Variants in GOLGA8M observed in about 807,000 individuals in gnomAD.
GOLGA8M encodes the protein golgin A8 family member M.
A neutral mutation model predicts 87.7 loss-of-function variants in GOLGA8M; 34 were observed. That is an observed-to-expected ratio of 0.39 (90% CI 0.29 to 0.52). The LOEUF (loss-of-function observed/expected upper bound fraction) is 0.52, where lower values mean the gene tolerates loss of function less well. Among genes scored for constraint, GOLGA8M ranks in the 20% least tolerant of loss-of-function variants. The probability of loss-of-function intolerance (pLI) is 0.80; values close to 1 mark genes in which losing one functional copy is unlikely to be tolerated. For missense variants in GOLGA8M, 396 were observed against 682.2 expected (o/e 0.58, Z 4.67); for synonymous variants, 138 against 250.2 (o/e 0.55, Z 4.23).
At chr15:28,703,558 A>C in intron 14 of GOLGA8M, 148 bp from the exon 15 acceptor site, 4 of 560,478 alleles carry the variant, frequency 7.1e-6, no homozygotes, top group Non-Finnish European at 9.1e-6. Context: ...ACTTTTAAGA[A>C]TCAAGATCTT....
At chr15:28,712,169 G>T in intron 1 of GOLGA8M, 107 bp downstream of exon 1, 6 of 1,537,548 alleles carry the variant, frequency 3.9e-6, no homozygotes, top group Non-Finnish European at 5.2e-6. Context: ...CGGGGTTGGG[G>T]GGACCAGTCC....
Position 28,702,351 on chromosome 15 carries a change from G to A in GOLGA8M, c.1586C>T (p.Ala529Val). 1 of 1,527,476 alleles carries A rather than the reference G, an allele frequency of 6.5e-7. No homozygotes were observed. The highest frequency in any genetic ancestry group is 1.2e-5 in the South Asian group (1 of 83,710). The allele number at this position is 1,527,476 out of a possible 1,614,324, so 94.6% of individuals were successfully genotyped here. A position where few individuals can be genotyped will look rare whatever the true frequency, so the allele number is the denominator to read the frequency against. Residue 529 changes from alanine to valine, a missense_variant, in exon 18 of 19, where the codon GCA becomes GTA. Physicochemically the swap from Ala to Val is moderately conservative, Grantham distance 64 (BLOSUM62 0). Transcript: ENST00000563027. Reference sequence around the variant, plus strand: ...GCTGTAAGCCGCAATACCATCTGCTGCAGCTCCAGCAGCTTCACCTGGAGG... The same window carrying A: ...GCTGTAAGCCGCAATACCATCTGCTACAGCTCCAGCAGCTTCACCTGGAGG... ...GGDEGEAAGA[A>V]ADGIAAYSNY...
chr15:28,712,531 G>A (rs981928310), upstream of GOLGA8M, among the ~76,000 whole-genome samples: 11 of 151,212 alleles, frequency 7.3e-5, no homozygotes, highest in Admixed American at 2.6e-4. Context: ...AGGGGGCGTG[G>A]CCAGACAGCA....
At position 28,708,389 on chromosome 15, in the gene GOLGA8M, G is replaced by C; in HGVS notation, c.334C>G (p.His112Asp). ...AATCACGTTACTTCTTCCAGCTGAT[G>C]TTCCACTTGTTTCTTCTGTTGTTTC... is the stretch of plus-strand genomic sequence containing the variant. ...SLKQQKKQVE[H>D]QLEEEKKANN... The change falls in exon 5 of 19, where the codon CAT (histidine) becomes GAT (aspartate). Residue 112 changes from histidine to aspartate, a missense_variant. Physicochemically the swap from His to Asp is moderately conservative, Grantham distance 81. This residue lies in a region of GOLGA8M where 80 missense variants were observed against 119.9 expected (regional missense o/e 0.67). Coordinates refer to ENST00000563027, the MANE Select transcript of GOLGA8M (RefSeq NM_001282468.3). 6.3e-7 allele frequency: 1 copy of C among 1,595,816 alleles called. No individual in the cohort carries two copies. Among genetic ancestry groups the C allele is most frequent in the Non-Finnish European group, 8.5e-7 (1 of 1,176,694 alleles).
chr15:28,699,361 T>A lies in GOLGA8M; in HGVS notation c.*2593A>T, dbSNP rs1327349875. On this transcript the variant is annotated 3_prime_UTR_variant, in exon 19 of 19. Coordinates refer to ENST00000563027, the MANE Select transcript of GOLGA8M (RefSeq NM_001282468.3). ...TTCCAATGTTGCCTTCTAAGCAAAC[T>A]GAAAGCTGCCTTATACAGAATGAGG... 2.0e-5 allele frequency among the ~76,000 whole-genome samples: 3 copies of A among 149,358 alleles called. No individual in the cohort carries two copies. The highest frequency in any genetic ancestry group is 4.4e-5 in the Non-Finnish European group (3 of 67,978).
chr15:28,706,613 C>T lies in GOLGA8M; in HGVS notation c.678G>A (p.Gln226=). 2 of 1,347,626 alleles carry T rather than the reference C, an allele frequency of 1.5e-6. No individual in the cohort carries two copies. The highest frequency in any genetic ancestry group is 2.0e-5 in the Admixed American group (1 of 50,580). The allele number at this position is 1,347,626 out of a possible 1,614,324, so 83.5% of individuals were successfully genotyped here. A position where few individuals can be genotyped will look rare whatever the true frequency, so the allele number is the denominator to read the frequency against. Residue 226 remains glutamine, a splice_region_variant and synonymous_variant, in exon 9 of 19, where the codon CAG becomes CAA. Transcript: ENST00000563027. ...EEALLKVQLT[Q]LKESFQQVQL... ...ACATAACTCCCTCAGAAAACCTCACCTGTGTCAGCTGCACTTTCAGTAGTG... is the reference window on the plus strand; with the variant it reads ...ACATAACTCCCTCAGAAAACCTCACTTGTGTCAGCTGCACTTTCAGTAGTG...
At position 28,701,847 on chromosome 15, in the gene GOLGA8M, G is replaced by A; in HGVS notation, c.*107C>T. 8.3e-7 allele frequency: 1 copy of A among 1,205,190 alleles called. No homozygotes were observed. Among genetic ancestry groups the A allele is most frequent in the Non-Finnish European group, 1.1e-6 (1 of 875,536 alleles). The allele number at this position is 1,205,190 out of a possible 1,614,324, so 74.7% of individuals were successfully genotyped here. A position where few individuals can be genotyped will look rare whatever the true frequency, so the allele number is the denominator to read the frequency against. On this transcript the variant is annotated 3_prime_UTR_variant, in exon 19 of 19. Transcript: ENST00000563027. ...AAATTAGAAACACAAATAATCATGAGTGACTCTAACATTCAAAGGAAGTAA... is the reference window on the plus strand; with the variant it reads ...AAATTAGAAACACAAATAATCATGAATGACTCTAACATTCAAAGGAAGTAA...
rs202197009 is a variant in GOLGA8M at position 28,702,340 on chromosome 15, T to C, written c.1597A>G (p.Ile533Val). Reference sequence around the variant, plus strand: ...TTGTTGTAGTTGCTGTAAGCCGCAATACCATCTGCTGCAGCTCCAGCAGCT... The same window carrying C: ...TTGTTGTAGTTGCTGTAAGCCGCAACACCATCTGCTGCAGCTCCAGCAGCT... ...GEAAGAAADGIAAYSNYNNGH... is the reference protein window; with the variant it reads ...GEAAGAAADGVAAYSNYNNGH... The change falls in exon 18 of 19, where the codon ATT (isoleucine) becomes GTT (valine). Residue 533 changes from isoleucine (I) to valine (V), a missense_variant. By Grantham distance (29) the Ile-to-Val change is conservative (BLOSUM62 3). This residue lies in a region of GOLGA8M where 173 missense variants were observed against 150.2 expected (regional missense o/e 1.15). Transcript: ENST00000563027. 1.2e-3 allele frequency: 1,871 copies of C among 1,527,812 alleles called. 2 individuals are homozygous for C. Among genetic ancestry groups the C allele is most frequent in the Middle Eastern group, 1.6e-3 (7 of 4,362 alleles). 94.6% of individuals were successfully genotyped at this position (1,527,812 alleles called of 1,614,324 possible).
At chr15:28,713,175 T>A (rs1309233384), upstream of GOLGA8M, among the ~76,000 whole-genome samples, 1 of 150,678 alleles carries the variant, frequency 6.6e-6, no homozygotes, top group African/African-American at 2.4e-5. Flanking sequence ...CCATCTCTAC[T>A]AAAAATACAA....
At chr15:28,711,758 A>G (rs1196720637) in intron 1 of GOLGA8M, 8 of 984,780 alleles carry the variant, frequency 8.1e-6, no homozygotes, top group Middle Eastern at 5.2e-4. Flanking sequence ...GGACCATGTC[A>G]GCACCATGTC....
intron 13 of GOLGA8M, among the ~76,000 whole-genome samples, chr15:28,704,780 T>G (rs1596677275): frequency 3.5e-5 from 5 of 142,400 alleles, no homozygotes; most frequent in East Asian, 5.3e-4. Flanking sequence ...AGAGATGAGG[T>G]TTTACCACAT....
chr15:28,702,908 C>A, intron 15 of GOLGA8M, 163 bp from the exon 16 acceptor site: 1 of 970,044 alleles, frequency 1.0e-6, no homozygotes, highest in South Asian at 4.8e-5. Flanking sequence ...CCCCCAGGCC[C>A]TGGGGCTGCA....
At position 28,702,224 on chromosome 15, in the gene GOLGA8M, G is replaced by A. The variant is rs771799634; in HGVS notation, c.1713C>T (p.Asp571=). ...APAPQELGAA[D]KHGDLCEVSL... Reference sequence around the variant, plus strand: ...GAGGGCTGTACTCACCACCATGCTTGTCTGCAGCCCCAAGCTCCTGGGGAG... The same window carrying A: ...GAGGGCTGTACTCACCACCATGCTTATCTGCAGCCCCAAGCTCCTGGGGAG... The change falls in exon 18 of 19, where the codon GAC becomes GAT. Residue 571 remains aspartate (D), a synonymous_variant. Coordinates refer to ENST00000563027, the MANE Select transcript of GOLGA8M (RefSeq NM_001282468.3). 322 of 1,590,022 alleles carry A rather than the reference G, an allele frequency of 2.0e-4. 2 individuals are homozygous for A. The highest frequency in any genetic ancestry group is 1.1e-3 in the Admixed American group (62 of 57,702).
intron 13 of GOLGA8M, among the ~76,000 whole-genome samples, chr15:28,704,230 G>T (rs2079933509): frequency 6.7e-6 from 1 of 148,862 alleles, no homozygotes. Context: ...TGAGCCTCTT[G>T]GCTCTTCAGC....
rs1002638399 is a variant in GOLGA8M, at chr15:28,701,569, G to A, written c.*385C>T. 6.6e-6 allele frequency among the ~76,000 whole-genome samples: 1 copy of A among 151,214 alleles called. No homozygotes were observed. Among genetic ancestry groups the A allele is most frequent in the South Asian group, 2.1e-4 (1 of 4,762 alleles). On this transcript the variant is annotated 3_prime_UTR_variant, in exon 19 of 19. Transcript: ENST00000563027. The stretch of plus-strand genomic sequence containing the variant: ...AGGCAAATTTTGTCTGAATTCTGTA[G>A]TGAATATACATGCTGCAATAACATT...
chr15:28,702,254 G>A lies in GOLGA8M; in HGVS notation c.1683C>T (p.Ala561=), dbSNP rs2079811787. 17 of 1,578,584 alleles carry A rather than the reference G, an allele frequency of 1.1e-5. No homozygotes were observed. Among genetic ancestry groups the A allele is most frequent in the Non-Finnish European group, 1.5e-5 (17 of 1,171,628 alleles). ...CAGCCCCAAGCTCCTGGGGAGCTGGGGCTCCTGGACCGGGCTCATCAGCAG... is the reference window on the plus strand; with the variant it reads ...CAGCCCCAAGCTCCTGGGGAGCTGGAGCTCCTGGACCGGGCTCATCAGCAG... ...HNSADEPGPG[A]PAPQELGAAD... Residue 561 remains alanine, a synonymous_variant, in exon 18 of 19, where the codon GCC becomes GCT. Transcript: ENST00000563027.
chr15:28,708,712 T>A (rs1482698356), intron 4 of GOLGA8M, among the ~76,000 whole-genome samples: 1 of 151,914 alleles, frequency 6.6e-6, no homozygotes, highest in African/African-American at 2.4e-5. Flanking sequence ...GCTTGTGATT[T>A]AGAAAAGTGG....
Position 28,703,129 on chromosome 15 carries a change from C to T in GOLGA8M, c.1368+190G>A, listed in dbSNP as rs1486048695. Among the ~76,000 whole-genome samples the T allele has an allele frequency of 3.8e-4, 51 of 133,618 alleles. 3 individuals are homozygous for T. The highest frequency in any genetic ancestry group is 5.9e-4 in the Admixed American group (7 of 11,876). The allele number at this position is 133,618 out of a possible 152,430, so 87.7% of individuals were successfully genotyped here. ...GAACAAATGGGGCAGAGAGGTGGAGCGCAGCCCCTTCCCTTGGGCCCCCAG... is the reference window on the plus strand; with the variant it reads ...GAACAAATGGGGCAGAGAGGTGGAGTGCAGCCCCTTCCCTTGGGCCCCCAG... On this transcript the variant is annotated intron_variant, in intron 15 of 18. Transcript: ENST00000563027.
In GOLGA8M at chr15:28,712,027, T is replaced by A. The variant is rs1449110434; in HGVS notation, c.48+249A>T. On this transcript the variant is annotated intron_variant, in intron 1 of 18. Coordinates refer to ENST00000563027, the MANE Select transcript of GOLGA8M (RefSeq NM_001282468.3). ...GGGGCGGCAGGAGATGAGGGCCCAG[T>A]AACGGAGCGGGAAGCCCCAGGAGTC... is the stretch of plus-strand genomic sequence containing the variant. 4.1e-6 allele frequency: 4 copies of A among 984,274 alleles called. No homozygotes were observed. The African/African-American group carries it at 7.0e-5, about 17-fold the overall frequency. The allele number at this position is 984,274 out of a possible 1,614,324, so 61.0% of individuals were successfully genotyped here. A position where few individuals can be genotyped will look rare whatever the true frequency, so the allele number is the denominator to read the frequency against.
Sources: allele counts gnomAD v4.1 joint callset (sites outside exome capture counted in the v4.1 genomes callset), GRCh38; gene constraint gnomAD v4.1.1; regional missense constraint gnomAD v4.1.1; transcripts MANE v1.5; gene names NCBI Gene and HGNC (gene_info 2026-07-23, HGNC 2026-07-21).